PNPLA8: variants seen among roughly 807,000 people sequenced by gnomAD.
The protein encoded by PNPLA8 is calcium-independent phospholipase A2-gamma.
PNPLA8 carries 39 observed loss-of-function variants against 76.9 expected under a neutral mutation model. The ratio of observed to expected loss-of-function variants is 0.51; its 90% CI spans 0.39 to 0.66. The LOEUF (loss-of-function observed/expected upper bound fraction) is 0.66, where lower values mean the gene tolerates loss of function less well. PNPLA8 is among the 30% of genes least tolerant of loss of function. PNPLA8 has a pLI of 0.00. For synonymous variants in PNPLA8, 301 were observed against 307.9 expected (o/e 0.98, Z 0.24); for missense variants, 887 against 918.0 (o/e 0.97, Z 0.44).
chr7:108,525,987 A>G, intron 1 of PNPLA8, 42 bp downstream of exon 1: 1 of 897,914 alleles, frequency 1.1e-6, no homozygotes, highest in Non-Finnish European at 1.3e-6. Context: ...ACGATCAACC[A>G]GCCTCCTATC....
At chr7:108,489,860 A>G (rs1861015056) in intron 8 of PNPLA8, among the ~76,000 whole-genome samples, 3 of 152,240 alleles carry the variant, frequency 2.0e-5, no homozygotes, top group Admixed American at 6.5e-5. Context: ...AACTCAAGCA[A>G]CACTCAGATC....
chr7:108,478,276 G>A (rs1281949382), intron 10 of PNPLA8, among the ~76,000 whole-genome samples: 2 of 152,194 alleles, frequency 1.3e-5, no homozygotes, highest in African/African-American at 4.8e-5. Context: ...CCCTGAGGCA[G>A]GAGAGTTCTT....
In PNPLA8 at chr7:108,514,805, A is replaced by T; in HGVS notation, c.687T>A (p.His229Gln). 3 of 1,613,402 alleles carry T rather than the reference A, an allele frequency of 1.9e-6. No homozygotes were observed. The highest frequency in any genetic ancestry group is 2.5e-6 in the Non-Finnish European group (3 of 1,179,462). The change falls in exon 3 of 11, where the codon CAT (histidine) becomes CAA (glutamine). Residue 229 changes from histidine (H) to glutamine (Q), a missense_variant. By Grantham distance (24) the His-to-Gln change is conservative (BLOSUM62 0). Coordinates refer to ENST00000257694, the MANE Select transcript of PNPLA8 (RefSeq NM_001256007.3). ...CTTCAAGTTCTGATTTGTCCCGGAA[A>T]TGTTCATTTTCCTTTTGTTGAGACA... Reference protein sequence around the residue: ...EKMSQQKENEHFRDKSELEDK... With the variant: ...EKMSQQKENEQFRDKSELEDK...
intron 9 of PNPLA8, among the ~76,000 whole-genome samples, chr7:108,481,952 T>C (rs1860427779): frequency 6.6e-6 from 1 of 152,184 alleles, no homozygotes; most frequent in African/African-American, 2.4e-5. Context: ...AACACAATTT[T>C]TGCTGAAAAG....
chr7:108,522,218 C>A (rs1409047478), intron 1 of PNPLA8, among the ~76,000 whole-genome samples: 2 of 150,570 alleles, frequency 1.3e-5, no homozygotes, highest in Non-Finnish European at 3.0e-5. Context: ...CACTTGAACC[C>A]GGGAGGCGGA....
chr7:108,510,736 G>T (rs1862856053), intron 4 of PNPLA8: 19 of 1,601,282 alleles, frequency 1.2e-5, no homozygotes, highest in Non-Finnish European at 1.5e-5. Context: ...GAATTGCTTT[G>T]ACAGATAACG....
chr7:108,515,449 T>A lies in PNPLA8; in HGVS notation c.43A>T (p.Ser15Cys), dbSNP rs749356806. The change falls in exon 3 of 11, where the codon AGT becomes TGT. Residue 15 changes from serine to cysteine, a missense_variant. Physicochemically the swap from Ser to Cys is moderately radical, Grantham distance 112. Transcript: ENST00000257694. ...LTVDIYIYLL[S>C]NARSVCGKQR... ...TTCCCACAAACACTTCTTGCATTACTAAGGAGGTAAATATATATATCTACA... is the reference window on the plus strand; with the variant it reads ...TTCCCACAAACACTTCTTGCATTACAAAGGAGGTAAATATATATATCTACA... 2 of 1,589,774 alleles carry A rather than the reference T, an allele frequency of 1.3e-6. No homozygotes were observed. The highest frequency in any genetic ancestry group is 2.2e-5 in the East Asian group (1 of 44,708).
At chr7:108,501,181 A>C (rs1172710029) in intron 5 of PNPLA8, among the ~76,000 whole-genome samples, 1 of 152,218 alleles carries the variant, frequency 6.6e-6, no homozygotes, top group Non-Finnish European at 1.5e-5. Context: ...CAGGGCATGT[A>C]CTATGAATTA....
chr7:108,479,045 A>G (rs1171810609), intron 10 of PNPLA8, 139 bp downstream of exon 10: 2 of 599,324 alleles, frequency 3.3e-6, no homozygotes, highest in Non-Finnish European at 5.9e-6. Context: ...GAAAACAACA[A>G]AATGTTTCCT....
In PNPLA8 at chr7:108,487,768, A is replaced by G; in HGVS notation, c.1869T>C (p.Asp623=). 6.3e-7 allele frequency: 1 copy of G among 1,596,730 alleles called. No individual in the cohort carries two copies. Among genetic ancestry groups the G allele is most frequent in the Non-Finnish European group, 8.5e-7 (1 of 1,172,050 alleles). The change falls in exon 9 of 11, where the codon GAT becomes GAC. Residue 623 remains aspartate (D), a synonymous_variant. Coordinates refer to ENST00000257694, the MANE Select transcript of PNPLA8 (RefSeq NM_001256007.3). ...GYFAEYALGN[D]LHQDGGLLLN... ...ATACAAGTCAACTTACTTGATGAAG[A>G]TCATTTCCCAATGCATATTCTGCAA...
intron 4 of PNPLA8, among the ~76,000 whole-genome samples, chr7:108,505,030 T>C (rs1862241376): frequency 6.6e-6 from 1 of 151,780 alleles, no homozygotes; most frequent in Non-Finnish European, 1.5e-5. Context: ...GAGCCAAGAT[T>C]GCACATTGCA....
chr7:108,515,700 T>C (rs764264882), intron 2 of PNPLA8, 126 bp from the exon 3 acceptor site: 78 of 379,244 alleles, frequency 2.1e-4, no homozygotes, highest in Non-Finnish European at 2.9e-4. Context: ...AATATTCCTA[T>C]TATAGCTGAT....
chr7:108,497,620 G>T (rs2154515645), intron 5 of PNPLA8, 43 bp from the exon 6 acceptor site: 1 of 1,169,660 alleles, frequency 8.5e-7, no homozygotes, highest in South Asian at 1.5e-5. Flanking sequence ...CCTGTTTAAA[G>T]AAAAAATAAT....
chr7:108,475,503 T>C (rs1203655471), intron 10 of PNPLA8, among the ~76,000 whole-genome samples: 1 of 152,164 alleles, frequency 6.6e-6, no homozygotes, highest in Non-Finnish European at 1.5e-5. Flanking sequence ...AATCTACATA[T>C]CAATTTGTGA....
intron 4 of PNPLA8, among the ~76,000 whole-genome samples, chr7:108,509,128 T>C (rs1465667534): frequency 9.1e-6 from 1 of 109,432 alleles, no homozygotes; most frequent in Non-Finnish European, 1.9e-5. Flanking sequence ...AAGGACTTCA[T>C]GTCCAAAACA....
Position 108,526,049 on chromosome 7 carries a change from C to G in PNPLA8, c.-150G>C. The G allele has an allele frequency of 2.0e-6, 2 of 985,764 alleles. No homozygotes were observed. Among genetic ancestry groups the G allele is most frequent in the Non-Finnish European group, 2.4e-6 (2 of 830,118 alleles). 61.1% of individuals were successfully genotyped at this position (985,764 alleles called of 1,614,324 possible). A position where few individuals can be genotyped will look rare whatever the true frequency, so the allele number is the denominator to read the frequency against. ...CTTACCGGGATGCAGGCCGCAGTCA[C>G]TAGGGCTGCAGCGGCGACTCGCTCG... is the stretch of plus-strand genomic sequence containing the variant. On this transcript the variant is annotated 5_prime_UTR_variant, in exon 1 of 11. Coordinates refer to ENST00000257694, the MANE Select transcript of PNPLA8 (RefSeq NM_001256007.3).
At chr7:108,483,761 T>G (rs552933203) in intron 9 of PNPLA8, among the ~76,000 whole-genome samples, 26 of 152,324 alleles carry the variant, frequency 1.7e-4, no homozygotes, top group African/African-American at 5.3e-4. Flanking sequence ...TCTACTTAGA[T>G]TCCTTCAATG....
intron 9 of PNPLA8, among the ~76,000 whole-genome samples, chr7:108,483,945 C>T (rs2154515015): frequency 6.6e-6 from 1 of 152,220 alleles, no homozygotes; most frequent in South Asian, 2.1e-4. Flanking sequence ...TTTTACTAAA[C>T]CATTTAAACC....
intron 8 of PNPLA8, among the ~76,000 whole-genome samples, chr7:108,489,296 T>C (rs1184516991): frequency 6.6e-6 from 1 of 152,212 alleles, no homozygotes; most frequent in Non-Finnish European, 1.5e-5. Flanking sequence ...TCTGATCTAA[T>C]CGGCCTACTG....
Sources: allele counts gnomAD v4.1 joint callset (sites outside exome capture counted in the v4.1 genomes callset), GRCh38; gene constraint gnomAD v4.1.1; transcripts MANE v1.5; gene names NCBI Gene and HGNC (gene_info 2026-07-23, HGNC 2026-07-21).